CLCN5: variants seen among roughly 807,000 people sequenced by gnomAD.
CLCN5 encodes H(+)/Cl(-) exchange transporter 5.
A neutral mutation model predicts 54.0 loss-of-function variants in CLCN5; 17 were observed. The observed-to-expected ratio is 0.31, with a 90% CI of 0.22 to 0.47. The LOEUF (loss-of-function observed/expected upper bound fraction) is 0.47, where lower values mean the gene tolerates loss of function less well. Ranked by LOEUF, CLCN5 falls within the 20% of genes least tolerant of loss-of-function variation. The pLI is 1.00. For synonymous variants in CLCN5, 222 were observed against 233.0 expected (o/e 0.95, Z 0.43); for missense variants, 448 against 646.7 (o/e 0.69, Z 3.33).
At chrX:50,089,110 G>T (rs1266423293) in intron 12 of CLCN5, among the ~76,000 whole-genome samples, 1 of 111,831 alleles carries the variant, frequency 8.9e-6, no homozygotes, top group Non-Finnish European at 1.9e-5. Context: ...CTCTCATACT[G>T]GGGAAATAAT....
At chrX:49,928,099 A>G (rs1557168275) in intron 3 of CLCN5, among the ~76,000 whole-genome samples, 1 of 112,134 alleles carries the variant, frequency 8.9e-6, no homozygotes, top group Non-Finnish European at 1.9e-5. Flanking sequence ...ATAGTACAGT[A>G]GGGAGACTAC....
chrX:49,994,911 G>A (rs1425967365), intron 3 of CLCN5, among the ~76,000 whole-genome samples: 1 of 111,944 alleles, frequency 8.9e-6, no homozygotes, highest in African/African-American at 3.2e-5. Context: ...AGAAACATTA[G>A]CCTCTCGCTC....
chrX:49,941,345 C>T (rs373796382), intron 3 of CLCN5, among the ~76,000 whole-genome samples: 26 of 111,132 alleles, frequency 2.3e-4, no homozygotes, highest in African/African-American at 8.2e-4. Context: ...GGTGAGTACT[C>T]ATAAATGATA....
intron 9 of CLCN5, chrX:50,085,760 G>A: frequency 2.3e-6 from 1 of 436,404 alleles, no homozygotes; most frequent in Non-Finnish European, 4.1e-6. Flanking sequence ...ATGGCTAAAT[G>A]AATTACAAAG....
intron 3 of CLCN5, among the ~76,000 whole-genome samples, chrX:49,970,335 A>C (rs1451744824): frequency 2.7e-5 from 3 of 111,193 alleles, no homozygotes; most frequent in African/African-American, 9.8e-5. Context: ...TTATATTTAG[A>C]GTTGGGCAAC....
chrX:50,091,902 C>T (rs899159127), intron 14 of CLCN5, among the ~76,000 whole-genome samples: 2 of 111,430 alleles, frequency 1.8e-5, no homozygotes, highest in African/African-American at 3.3e-5. Flanking sequence ...CAGAGGAAAT[C>T]GCAGGGTCTG....
At chrX:50,074,832 C>A (rs1394933837) in intron 6 of CLCN5, among the ~76,000 whole-genome samples, 1 of 111,844 alleles carries the variant, frequency 8.9e-6, no homozygotes, top group African/African-American at 3.3e-5. Flanking sequence ...TCTGGGAATT[C>A]AAGGGCTGTG....
intron 3 of CLCN5, among the ~76,000 whole-genome samples, chrX:49,961,353 A>G (rs1557174650): frequency 8.9e-6 from 1 of 112,252 alleles, no homozygotes; most frequent in Non-Finnish European, 1.9e-5. Flanking sequence ...ATTTAAATAC[A>G]TTCTAAACTT....
intron 3 of CLCN5, among the ~76,000 whole-genome samples, chrX:49,948,168 T>C (rs1569537036): frequency 2.7e-5 from 3 of 110,670 alleles, no homozygotes; most frequent in Non-Finnish European, 5.7e-5. Context: ...ACCTTTTTTT[T>C]TTTTTTGGTT....
rs1322511941 is a variant in CLCN5, at chrX:50,063,564, G to A, written c.164-6315G>A. ...TCCAGGACCAGATGGATTCACAGCC[G>A]AATTCTCCCAGAGGTACAAGGAGGA... On this transcript the variant is annotated intron_variant, in intron 4 of 14. Coordinates refer to ENST00000376091, the MANE Select transcript of CLCN5 (RefSeq NM_001127898.4). Among the ~76,000 whole-genome samples, 7 of 107,252 alleles carry A rather than the reference G, an allele frequency of 6.5e-5. No individual in the cohort carries two copies. In the East Asian group the frequency reaches 8.7e-4, roughly 13 times the overall value. 93.1% of individuals were successfully genotyped at this position (107,252 alleles called of 115,157 possible).
At chrX:50,064,296 A>G (rs1419987235) in intron 4 of CLCN5, among the ~76,000 whole-genome samples, 11 of 108,122 alleles carry the variant, frequency 1.0e-4, no homozygotes, top group African/African-American at 3.7e-4. Flanking sequence ...TAAGCTGATA[A>G]GCAACTTCAG....
At chrX:49,959,264 G>C (rs782652569) in intron 3 of CLCN5, among the ~76,000 whole-genome samples, 20 of 111,851 alleles carry the variant, frequency 1.8e-4, no homozygotes, top group Non-Finnish European at 3.6e-4. Flanking sequence ...ATTTCCTAAA[G>C]TTTCTTTCAC....
rs782570017 is a variant in CLCN5 at position 50,031,242 on chromosome X, G to T, written c.17-11074G>T. On this transcript the variant is annotated intron_variant, in intron 3 of 14. Transcript: ENST00000376091. ...TCATCTATTAGAATCCAATTTTAAT[G>T]ATTCAAACAATCTCTCTCTATAGGC... 3.6e-5 allele frequency among the ~76,000 whole-genome samples: 4 copies of T among 112,043 alleles called. No homozygotes were observed. The South Asian group carries it at 1.5e-3, about 42-fold the overall frequency.
At chrX:49,998,430 C>T (rs1929635337) in intron 3 of CLCN5, among the ~76,000 whole-genome samples, 1 of 111,640 alleles carries the variant, frequency 9.0e-6, no homozygotes, top group African/African-American at 3.3e-5. Flanking sequence ...TTGTGGGCAC[C>T]CACATAGACG....
intron 3 of CLCN5, among the ~76,000 whole-genome samples, chrX:49,987,832 A>G (rs1417516517): frequency 9.0e-6 from 1 of 111,652 alleles, no homozygotes; most frequent in Non-Finnish European, 1.9e-5. Context: ...CCTCCCCTCA[A>G]CCATGGTCCT....
chrX:49,940,174 G>T (rs1393610391), intron 3 of CLCN5, among the ~76,000 whole-genome samples: 1 of 111,756 alleles, frequency 8.9e-6, no homozygotes, highest in East Asian at 2.8e-4. Context: ...ATAGGTCCTG[G>T]TTTTCCTGGG....
intron 4 of CLCN5, among the ~76,000 whole-genome samples, chrX:50,056,520 C>G (rs1368954290): frequency 8.9e-6 from 1 of 111,797 alleles, no homozygotes; most frequent in African/African-American, 3.3e-5. Context: ...TTCATTGCCA[C>G]ATTGCTTTCT....
chrX:50,008,839 T>C (rs2069524887), intron 3 of CLCN5: 1 of 324,532 alleles, frequency 3.1e-6, no homozygotes, highest in South Asian at 2.9e-5. Context: ...TTCTCTGCCT[T>C]TCTGTAAAGT....
rs782370400 is a variant in CLCN5 at position 50,078,782 on chromosome X, C to T, written c.604-1812C>T. Among the ~76,000 whole-genome samples, 16 of 112,334 alleles carry T rather than the reference C, an allele frequency of 1.4e-4. No individual in the cohort carries two copies. In the South Asian group the frequency reaches 3.3e-3, roughly 23 times the overall value. On this transcript the variant is annotated intron_variant, in intron 7 of 14. Transcript: ENST00000376091. ...TTTCTCTGGCTCTTCTTTTTATGAA[C>T]GAAATCCTTCCCTGGGGAAAGAGTC... is the stretch of plus-strand genomic sequence containing the variant.
Sources: allele counts gnomAD v4.1 joint callset (sites outside exome capture counted in the v4.1 genomes callset), GRCh38; gene constraint gnomAD v4.1.1; transcripts MANE v1.5; gene names NCBI Gene and HGNC (gene_info 2026-07-23, HGNC 2026-07-21).